HDAC9: variants seen among roughly 807,000 people sequenced by gnomAD.
The protein encoded by HDAC9 is histone deacetylase 9, also known as MEF-2 interacting transcription repressor (MITR) protein.
A neutral mutation model predicts 139.4 loss-of-function variants in HDAC9; 41 were observed. That is an observed-to-expected ratio of 0.29 (90% CI 0.23 to 0.38). The LOEUF (loss-of-function observed/expected upper bound fraction) is 0.38, where lower values mean the gene tolerates loss of function less well. Ranked by LOEUF, HDAC9 falls within the 10% of genes least tolerant of loss-of-function variation. The pLI is 1.00. For missense variants in HDAC9, 1,147 were observed against 1,297.0 expected, an observed-to-expected ratio of 0.88 and a Z score of 1.78; for synonymous variants, 517 against 476.2, an observed-to-expected ratio of 1.09 and a Z score of -1.12.
intron 21 of HDAC9, chr7:18,851,396 T>C (rs1312771039): frequency 6.6e-6 from 1 of 152,458 alleles, no homozygotes; most frequent in Admixed American, 6.5e-5. Flanking sequence ...TTGCTCTCTG[T>C]GTCTCCTGCT....
intron 11 of HDAC9, among the ~76,000 whole-genome samples, chr7:18,656,348 T>C (rs1346196397): frequency 6.6e-6 from 1 of 152,114 alleles, no homozygotes; most frequent in Admixed American, 6.6e-5. Flanking sequence ...CAAAGACTTA[T>C]CTATTAACAA....
intron 23 of HDAC9, among the ~76,000 whole-genome samples, chr7:18,941,201 A>T (rs1364224072): frequency 1.5e-4 from 19 of 129,274 alleles, no homozygotes; most frequent in East Asian, 2.2e-4. Context: ...CCCTCCCGTT[A>T]TTCTTCACTT....
intron 1 of HDAC9, among the ~76,000 whole-genome samples, chr7:18,375,118 T>A (rs141644365): frequency 2.9e-4 from 44 of 152,366 alleles, no homozygotes; most frequent in African/African-American, 8.7e-4. Context: ...AGGCTGGTCC[T>A]TCAGAAGGAG....
At chr7:18,358,384 C>A (rs545682072) in intron 1 of HDAC9, among the ~76,000 whole-genome samples, 9 of 152,044 alleles carry the variant, frequency 5.9e-5, no homozygotes, top group African/African-American at 2.2e-4. Context: ...TTATAAATAG[C>A]TTTTAGCTTA....
intron 25 of HDAC9, among the ~76,000 whole-genome samples, chr7:18,979,599 TATAAAG>T (rs1173686218): frequency 6.6e-6 from 1 of 152,206 alleles, no homozygotes; most frequent in Non-Finnish European, 1.5e-5. Context: ...ATGGGTAATT[TATAAAG>T]AAAAGAGATT....
At chr7:18,422,947 A>T (rs560041697) in intron 1 of HDAC9, among the ~76,000 whole-genome samples, 1 of 152,218 alleles carries the variant, frequency 6.6e-6, no homozygotes, top group African/African-American at 2.4e-5. Context: ...AGTCCAAGGT[A>T]TGCCCTTAAA....
At chr7:18,675,018 A>G (rs1283711528) in intron 12 of HDAC9, among the ~76,000 whole-genome samples, 1 of 152,004 alleles carries the variant, frequency 6.6e-6, no homozygotes, top group Non-Finnish European at 1.5e-5. Flanking sequence ...TGACCTCTTT[A>G]TAGTATTAAT....
At chr7:18,431,818 G>C (rs1239827843) in intron 1 of HDAC9, among the ~76,000 whole-genome samples, 1 of 152,102 alleles carries the variant, frequency 6.6e-6, no homozygotes, top group African/African-American at 2.4e-5. Flanking sequence ...TAATTTTTTT[G>C]TCTATTGTAA....
Position 18,199,517 on chromosome 7 carries a change from G to A in HDAC9, c.25+37168G>A, listed in dbSNP as rs76973735. The stretch of plus-strand genomic sequence containing the variant: ...GAGATTAAAATAGGGTGGGTGTAGT[G>A]GCTCATGCCTGTAATCCTAATGCTT... On this transcript the variant is annotated intron_variant, in intron 2 of 12. Coordinates refer to the HDAC9 transcript ENST00000417496. Among the ~76,000 whole-genome samples, 636 of 152,162 alleles carry A rather than the reference G, an allele frequency of 4.2e-3. 6 individuals are homozygous for A. The highest frequency in any genetic ancestry group is 0.015 in the African/African-American group (616 of 41,532).
In HDAC9 at chr7:18,823,866, C is replaced by G. The variant is rs187895226; in HGVS notation, c.2323-5295C>G. 5.9e-5 allele frequency among the ~76,000 whole-genome samples: 9 copies of G among 151,990 alleles called. No homozygotes were observed. The East Asian group carries it at 1.7e-3, about 29-fold the overall frequency. On this transcript the variant is annotated intron_variant, in intron 17 of 25. Transcript: ENST00000686413. ...TGGTGGTGTGTGCCTGTAGCCCCAG[C>G]TGCTCTGGAGGCTGAGGTGGGAGGA... is the stretch of plus-strand genomic sequence containing the variant.
chr7:18,910,814 T>G (rs1321811802), intron 22 of HDAC9, among the ~76,000 whole-genome samples: 2 of 152,000 alleles, frequency 1.3e-5, no homozygotes, highest in East Asian at 3.9e-4. Flanking sequence ...TCATGGTGTA[T>G]AATCTTTTTA....
chr7:18,597,606 C>T (rs751356514), intron 6 of HDAC9, among the ~76,000 whole-genome samples: 1 of 152,108 alleles, frequency 6.6e-6, no homozygotes, highest in Non-Finnish European at 1.5e-5. Context: ...TGATTTTGAA[C>T]TGACCTTCAA....
At chr7:18,427,187 G>T (rs192268165) in intron 1 of HDAC9, among the ~76,000 whole-genome samples, 1 of 152,174 alleles carries the variant, frequency 6.6e-6, no homozygotes, top group East Asian at 1.9e-4. Flanking sequence ...GTTTCAAATT[G>T]AAAGCTCTGT....
At position 18,935,802 on chromosome 7, in the gene HDAC9, A is replaced by G. The variant is rs1192252751; in HGVS notation, c.2804-7A>G. 5.0e-6 allele frequency: 8 copies of G among 1,611,384 alleles called. No homozygotes were observed. Among genetic ancestry groups the G allele is most frequent in the African/African-American group, 2.7e-5 (2 of 74,820 alleles). On this transcript the variant is annotated splice_polypyrimidine_tract_variant and splice_region_variant and intron_variant, in intron 22 of 25. Coordinates refer to ENST00000686413, the MANE Select transcript of HDAC9 (RefSeq NM_178425.4). Reference sequence around the variant, plus strand: ...TACTTTGAAATGTTCTGTTTGTATTATGGTAGGTTTTGGTCATTTGACGAA... The same window carrying G: ...TACTTTGAAATGTTCTGTTTGTATTGTGGTAGGTTTTGGTCATTTGACGAA...
chr7:18,802,758 G>A (rs888699777), intron 17 of HDAC9, among the ~76,000 whole-genome samples: 11 of 151,376 alleles, frequency 7.3e-5, no homozygotes, highest in African/African-American at 2.4e-4. Context: ...ATTATCTTAA[G>A]TAAATATTTT....
rs186244330 is a variant in HDAC9 at position 18,532,450 on chromosome 7, T to G, written c.22+36126T>G. ...GGGATGGGAAGAGAAGTGGTCTAAT[T>G]ATTCATTTAAAATATACCAATTCCA... On this transcript the variant is annotated intron_variant, in intron 2 of 25. Coordinates refer to ENST00000686413, the MANE Select transcript of HDAC9 (RefSeq NM_178425.4). Among the ~76,000 whole-genome samples the G allele has an allele frequency of 2.2e-3, 333 of 152,278 alleles. 1 individual carries two copies. The highest frequency in any genetic ancestry group is 5.4e-3 in the Admixed American group (82 of 15,292).
At chr7:18,229,851 A>G (rs183639115) in intron 2 of HDAC9, among the ~76,000 whole-genome samples, 44 of 152,312 alleles carry the variant, frequency 2.9e-4, no homozygotes, top group Admixed American at 2.7e-3. Context: ...GTCACACTTC[A>G]TCTAACTGGG....
At chr7:18,612,204 A>G (rs907190793) in intron 6 of HDAC9, among the ~76,000 whole-genome samples, 2 of 152,150 alleles carry the variant, frequency 1.3e-5, no homozygotes, top group Non-Finnish European at 2.9e-5. Context: ...AATATTCCAT[A>G]TAGAGGCTAT....
intron 1 of HDAC9, among the ~76,000 whole-genome samples, chr7:18,472,788 G>T (rs1255392041): frequency 3.3e-5 from 5 of 152,132 alleles, no homozygotes; most frequent in Admixed American, 3.3e-4. Flanking sequence ...TGATCCCTAT[G>T]TAGAATGTCA....
Sources: allele counts gnomAD v4.1 joint callset (sites outside exome capture counted in the v4.1 genomes callset), GRCh38; gene constraint gnomAD v4.1.1; transcripts MANE v1.5; gene names NCBI Gene and HGNC (gene_info 2026-07-23, HGNC 2026-07-21).